Variants in CREB1 observed in about 807,000 individuals in gnomAD.
CREB1 encodes the protein cyclic AMP-responsive element-binding protein 1.
CREB1 carries 2 observed loss-of-function variants against 42.0 expected under a neutral mutation model. The observed-to-expected ratio is 0.05, with a 90% CI of 0.02 to 0.15. CREB1 has a LOEUF of 0.15. Ranked by LOEUF, CREB1 falls within the 10% of genes least tolerant of loss-of-function variation. CREB1 has a pLI of 1.00. For missense variants in CREB1, 199 were observed against 388.9 expected (o/e 0.51, Z 4.11); for synonymous variants, 123 against 139.9 (o/e 0.88, Z 0.85).
rs1387310518 is a variant in CREB1 at position 207,602,047 on chromosome 2, TAAAC to T, written c.*4991_*4994del. Reference sequence around the variant, plus strand: ...TGAGTCAGTATGGAAAATTTTCAAATAAACAGGGTGCTGAAGTTCCATCTGTCTC... The same window carrying T: ...TGAGTCAGTATGGAAAATTTTCAAATAGGGTGCTGAAGTTCCATCTGTCTC... On this transcript the variant is annotated 3_prime_UTR_variant, in exon 8 of 8. Transcript: ENST00000353267. The T allele has an allele frequency of 8.3e-5, 17 of 204,758 alleles. No individual in the cohort carries two copies. Among genetic ancestry groups the T allele is most frequent in the East Asian group, 5.9e-4 (8 of 13,536 alleles). The allele number at this position is 204,758 out of a possible 1,614,324, so 12.7% of individuals were successfully genotyped here.
At chr2:207,563,719 G>A (rs538880366) in intron 3 of CREB1, among the ~76,000 whole-genome samples, 15 of 152,244 alleles carry the variant, frequency 9.9e-5, no homozygotes, top group African/African-American at 3.1e-4. Flanking sequence ...TGAGGCGGGC[G>A]GATCACTTGA....
At chr2:207,531,908 A>C (rs914232597) in intron 1 of CREB1, among the ~76,000 whole-genome samples, 2 of 152,240 alleles carry the variant, frequency 1.3e-5, no homozygotes, top group Admixed American at 6.5e-5. Flanking sequence ...AAGAAAATTA[A>C]GAAGAGGCAA....
intron 7 of CREB1, among the ~76,000 whole-genome samples, chr2:207,590,083 G>GTTTTT (rs59126515): frequency 1.8e-4 from 14 of 76,132 alleles, no homozygotes; most frequent in African/African-American, 5.3e-4. Flanking sequence ...ATTTTGAGAA[G>GTTTTT]TTTTTTTTTT....
intron 1 of CREB1, among the ~76,000 whole-genome samples, chr2:207,540,401 G>A (rs942859286): frequency 6.6e-6 from 1 of 152,098 alleles, no homozygotes; most frequent in African/African-American, 2.4e-5. Flanking sequence ...AGCACTTGGG[G>A]AGGCTGAGTC....
chr2:207,576,628 C>T lies in CREB1; in HGVS notation c.689-877C>T, dbSNP rs1390873201. 23 of 1,256,786 alleles carry T rather than the reference C, an allele frequency of 1.8e-5. 1 individual carries two copies. The highest frequency in any genetic ancestry group is 2.1e-4 in the Middle Eastern group (1 of 4,690). 77.9% of individuals were successfully genotyped at this position (1,256,786 alleles called of 1,614,324 possible). ...GTAAAACACCTTTTCACTTTACATG[C>T]AGGTACTCAAAAATTGTAAAGCAGG... is the stretch of plus-strand genomic sequence containing the variant. On this transcript the variant is annotated intron_variant, in intron 6 of 7. Transcript: ENST00000353267.
intron 2 of CREB1, chr2:207,559,181 C>T (rs1559282110): frequency 3.5e-6 from 1 of 285,888 alleles, no homozygotes; most frequent in Non-Finnish European, 5.2e-6. Flanking sequence ...GGTTATCCCA[C>T]TCTGCCATGT....
At chr2:207,579,135 A>G (rs1219464274) in intron 7 of CREB1, among the ~76,000 whole-genome samples, 1 of 152,188 alleles carries the variant, frequency 6.6e-6, no homozygotes, top group East Asian at 1.9e-4. Flanking sequence ...TTGAGTATTT[A>G]AGTTTTACTA....
intron 7 of CREB1, among the ~76,000 whole-genome samples, chr2:207,583,605 T>C (rs1486861167): frequency 1.3e-5 from 2 of 152,194 alleles, no homozygotes; most frequent in African/African-American, 4.8e-5. Flanking sequence ...TTATATCATA[T>C]GATTGTAGTA....
In CREB1 at chr2:207,574,452, A is replaced by G. The variant is rs6715664; in HGVS notation, c.506-820A>G. On this transcript the variant is annotated intron_variant, in intron 5 of 7. Coordinates refer to ENST00000353267, the MANE Select transcript of CREB1 (RefSeq NM_004379.5). ...ATTTTTAAATTAAATTTTTCTATGT[A>G]CTGTAGCATAAAGGTGATTTAGTTT... is the stretch of plus-strand genomic sequence containing the variant. 2.1e-3 allele frequency among the ~76,000 whole-genome samples: 322 copies of G among 152,294 alleles called. 1 individual carries two copies. The highest frequency in any genetic ancestry group is 7.3e-3 in the African/African-American group (305 of 41,560).
chr2:207,534,409 G>T (rs1231443851), intron 1 of CREB1, among the ~76,000 whole-genome samples: 1 of 152,124 alleles, frequency 6.6e-6, no homozygotes. Context: ...GCTAATTTTT[G>T]TGTTTTTAGT....
At chr2:207,589,808 A>G (rs764630307) in intron 7 of CREB1, among the ~76,000 whole-genome samples, 5 of 152,172 alleles carry the variant, frequency 3.3e-5, no homozygotes, top group Non-Finnish European at 5.9e-5. Flanking sequence ...TGAACCCCCA[A>G]TTGGTCATGA....
intron 7 of CREB1, chr2:207,580,715 T>TA (rs936727921): frequency 4.5e-6 from 1 of 223,198 alleles, no homozygotes; most frequent in Non-Finnish European, 8.9e-6. Flanking sequence ...GCTCTTCTGT[T>TA]AATTTGTGTT....
intron 2 of CREB1, 59 bp downstream of exon 2, chr2:207,555,808 A>G: frequency 9.0e-7 from 1 of 1,110,834 alleles, no homozygotes; most frequent in South Asian, 1.3e-5. Context: ...TACGTTTCCA[A>G]GAGAATTTAG....
chr2:207,573,518 T>C (rs1474799275), intron 5 of CREB1, among the ~76,000 whole-genome samples: 7 of 152,190 alleles, frequency 4.6e-5, no homozygotes, highest in Non-Finnish European at 7.4e-5. Flanking sequence ...GGAGGACTGC[T>C]TGAGGCCAGG....
intron 7 of CREB1, chr2:207,582,064 C>G: frequency 1.4e-6 from 1 of 700,474 alleles, no homozygotes; most frequent in Non-Finnish European, 2.6e-6. Flanking sequence ...ACTTTGATCA[C>G]TTGGTTAAAG....
intron 1 of CREB1, among the ~76,000 whole-genome samples, chr2:207,548,835 AT>A (rs1045898530): frequency 6.6e-6 from 1 of 152,032 alleles, no homozygotes; most frequent in Non-Finnish European, 1.5e-5. Flanking sequence ...TGGTTGGGTT[AT>A]TTTGGTATTT....
At chr2:207,531,915 G>T (rs947002050) in intron 1 of CREB1, among the ~76,000 whole-genome samples, 28 of 152,268 alleles carry the variant, frequency 1.8e-4, no homozygotes, top group African/African-American at 6.7e-4. Context: ...TTAAGAAGAG[G>T]CAATAAAGGC....
At chr2:207,532,880 C>G (rs913901235) in intron 1 of CREB1, among the ~76,000 whole-genome samples, 3 of 151,914 alleles carry the variant, frequency 2.0e-5, no homozygotes, top group African/African-American at 4.8e-5. Flanking sequence ...CCCAGCCCCC[C>G]GAGTAGCTGG....
In CREB1 at chr2:207,537,719, G is replaced by A. The variant is rs141987916; in HGVS notation, c.-9+7585G>A. The stretch of plus-strand genomic sequence containing the variant: ...GTTAGTTTTTATTCACATTCAGAAT[G>A]TCTGACTCCCCTTAATATATACACA... On this transcript the variant is annotated intron_variant, in intron 1 of 7. Coordinates refer to ENST00000353267, the MANE Select transcript of CREB1 (RefSeq NM_004379.5). Among the ~76,000 whole-genome samples the A allele has an allele frequency of 1.9e-3, 296 of 152,248 alleles. 2 individuals carry two copies. The highest frequency in any genetic ancestry group is 6.6e-3 in the African/African-American group (273 of 41,548).
Sources: gnomAD v4.1 joint callset for allele counts (sites outside exome capture counted in the v4.1 genomes callset) on GRCh38, gnomAD v4.1.1 for gene constraint, MANE v1.5 for transcripts, NCBI Gene and HGNC (gene_info 2026-07-23, HGNC 2026-07-21) for gene names.